BUB1B: variants seen among roughly 807,000 people sequenced by gnomAD.
BUB1B encodes BUB1 mitotic checkpoint serine/threonine kinase B.
Under a neutral mutation model 137.7 loss-of-function variants are expected in BUB1B, and 86 were observed. That is an observed-to-expected ratio of 0.62 (90% CI 0.52 to 0.75). The LOEUF is 0.75. Ranked by LOEUF, BUB1B falls within the 30% of genes least tolerant of loss-of-function variation. The probability of loss-of-function intolerance (pLI) is 0.00; values close to 1 mark genes in which losing one functional copy is unlikely to be tolerated. For missense variants in BUB1B, 1,130 were observed against 1,236.9 expected, an observed-to-expected ratio of 0.91 and a Z score of 1.30; for synonymous variants, 420 against 417.9, an observed-to-expected ratio of 1.00 and a Z score of -0.06.
intron 6 of BUB1B, among the ~76,000 whole-genome samples, chr15:40,184,358 G>A (rs981648603): frequency 2.0e-5 from 3 of 150,632 alleles, no homozygotes; most frequent in Non-Finnish European, 2.9e-5. Context: ...TGCCTGAAAC[G>A]TGGTAGTGCA....
In BUB1B at chr15:40,219,498, A is replaced by G. The variant is rs142381701; in HGVS notation, c.2957+936A>G. ...GCACTTTGGGAGGCCGAGGCAGATTACCTGAGGTCAGGAGTTTGAGAGCAG... is the reference window on the plus strand; with the variant it reads ...GCACTTTGGGAGGCCGAGGCAGATTGCCTGAGGTCAGGAGTTTGAGAGCAG... On this transcript the variant is annotated intron_variant, in intron 22 of 22. Transcript: ENST00000287598. Among the ~76,000 whole-genome samples the G allele has an allele frequency of 5.3e-5, 8 of 152,070 alleles. No homozygotes were observed. In the East Asian group the frequency reaches 1.6e-3, roughly 30 times the overall value.
chr15:40,218,608 T>C lies in BUB1B; in HGVS notation c.2957+46T>C, dbSNP rs758465748. On this transcript the variant is annotated intron_variant, in intron 22 of 22. Coordinates refer to ENST00000287598, the MANE Select transcript of BUB1B (RefSeq NM_001211.6). The stretch of plus-strand genomic sequence containing the variant: ...GGGTCTCTGCCTGTCCCAATAATTT[T>C]CTGTTTCTCTTGGGTGCTATCTCTG... The C allele has an allele frequency of 3.5e-6, 5 of 1,422,516 alleles. No homozygotes were observed. In the African/African-American group the frequency reaches 7.0e-5, roughly 20 times the overall value. 88.1% of individuals were successfully genotyped at this position (1,422,516 alleles called of 1,614,324 possible). A position where few individuals can be genotyped will look rare whatever the true frequency, so the allele number is the denominator to read the frequency against.
At chr15:40,161,528 G>C (rs1436679658) in intron 1 of BUB1B, among the ~76,000 whole-genome samples, 2 of 152,232 alleles carry the variant, frequency 1.3e-5, no homozygotes, top group Non-Finnish European at 2.9e-5. Flanking sequence ...AATGTTGTCT[G>C]TTTGTAACTC....
chr15:40,196,474 G>A, intron 8 of BUB1B, 71 bp from the exon 9 acceptor site: 1 of 1,362,680 alleles, frequency 7.3e-7, no homozygotes, highest in East Asian at 2.3e-5. Flanking sequence ...ATTATTTTTA[G>A]CTTCTTTTAT....
intron 8 of BUB1B, among the ~76,000 whole-genome samples, chr15:40,191,908 CTT>C (rs1354235523): frequency 6.6e-6 from 1 of 151,602 alleles, no homozygotes; most frequent in Admixed American, 6.6e-5. Context: ...TTTGTAGTAA[CTT>C]TTGAAATTGA....
At chr15:40,161,750 A>G (rs1446348825) in intron 1 of BUB1B, among the ~76,000 whole-genome samples, 1 of 152,244 alleles carries the variant, frequency 6.6e-6, no homozygotes. Context: ...AATTATGCCA[A>G]TAACATAGAG....
intron 20 of BUB1B, 51 bp from the exon 21 acceptor site, chr15:40,217,445 C>CGG: frequency 1.8e-5 from 20 of 1,131,890 alleles, no homozygotes; most frequent in Non-Finnish European, 2.6e-5. Context: ...AGCTATGCAG[C>CGG]TTCTTTCATG....
At chr15:40,163,945 T>C (rs142814350) in intron 1 of BUB1B, among the ~76,000 whole-genome samples, 3 of 152,320 alleles carry the variant, frequency 2.0e-5, no homozygotes, top group African/African-American at 7.2e-5. Context: ...TTAGTGCCAA[T>C]GTGTCTCTCT....
At chr15:40,174,943 G>A (rs1398066434) in intron 4 of BUB1B, among the ~76,000 whole-genome samples, 4 of 152,076 alleles carry the variant, frequency 2.6e-5, no homozygotes, top group South Asian at 2.1e-4. Context: ...CAGCCTGGGC[G>A]ACAGAGTGAG....
intron 5 of BUB1B, among the ~76,000 whole-genome samples, chr15:40,181,911 T>C (rs2037298348): frequency 6.6e-6 from 1 of 152,170 alleles, no homozygotes; most frequent in African/African-American, 2.4e-5. Flanking sequence ...TTAGGTACTT[T>C]AAAATCTCCA....
intron 2 of BUB1B, among the ~76,000 whole-genome samples, chr15:40,169,860 C>A (rs1419080584): frequency 6.6e-6 from 1 of 152,064 alleles, no homozygotes; most frequent in Non-Finnish European, 1.5e-5. Flanking sequence ...TGATCCACCC[C>A]ACTTGGCCTC....
chr15:40,183,687 T>A (rs1472580690), intron 5 of BUB1B, 27 bp from the exon 6 acceptor site: 1 of 1,612,962 alleles, frequency 6.2e-7, no homozygotes, highest in Non-Finnish European at 8.5e-7. Context: ...GTCACCTCAC[T>A]AAAAGTTGTG....
At chr15:40,214,577 C>T (rs1480784698) in intron 20 of BUB1B, among the ~76,000 whole-genome samples, 1 of 152,138 alleles carries the variant, frequency 6.6e-6, no homozygotes, top group Non-Finnish European at 1.5e-5. Flanking sequence ...CTTCTGAATA[C>T]TTAATCTATC....
intron 1 of BUB1B, 75 bp from the exon 2 acceptor site, chr15:40,164,978 G>A: frequency 6.3e-7 from 1 of 1,580,214 alleles, no homozygotes; most frequent in South Asian, 1.1e-5. Flanking sequence ...TCACCTTTCG[G>A]AAGACATTTA....
intron 5 of BUB1B, among the ~76,000 whole-genome samples, chr15:40,182,524 G>A (rs781760644): frequency 4.6e-5 from 7 of 152,150 alleles, no homozygotes; most frequent in Admixed American, 1.3e-4. Flanking sequence ...GTTGCTTTGG[G>A]TCTGTCCCAT....
At chr15:40,176,072 C>A (rs959208844) in intron 4 of BUB1B, among the ~76,000 whole-genome samples, 8 of 152,154 alleles carry the variant, frequency 5.3e-5, no homozygotes, top group Admixed American at 2.6e-4. Context: ...CCCCAGCCTC[C>A]TGGGTAGCTA....
chr15:40,208,412 C>A (rs1274664740), intron 15 of BUB1B, among the ~76,000 whole-genome samples: 2 of 151,860 alleles, frequency 1.3e-5, no homozygotes, highest in African/African-American at 4.8e-5. Context: ...GTGGCAGGTG[C>A]CTGTAATCCC....
intron 4 of BUB1B, among the ~76,000 whole-genome samples, chr15:40,172,482 A>G (rs769595854): frequency 5.8e-4 from 89 of 152,168 alleles, no homozygotes; most frequent in Non-Finnish European, 2.4e-4. Flanking sequence ...TTTTACAACA[A>G]TCTTAGCTAG....
chr15:40,165,181 T>G lies in BUB1B; in HGVS notation c.164T>G (p.Leu55Arg), dbSNP rs1221553263. The change falls in exon 2 of 23, where the codon CTT becomes CGT. Residue 55 changes from leucine (L) to arginine (R), a missense_variant. By Grantham distance (102) the Leu-to-Arg change is moderately radical. Coordinates refer to ENST00000287598, the MANE Select transcript of BUB1B (RefSeq NM_001211.6). The stretch of plus-strand genomic sequence containing the variant: ...CAAGAATCTGCCTGTAACAATACTC[T>G]TCAGCAGCAGAAACGGTGTGTAGAA... ...LAQESACNNT[L>R]QQQKRAFEYE... 4 of 1,614,212 alleles carry G rather than the reference T, an allele frequency of 2.5e-6. No individual in the cohort carries two copies. The highest frequency in any genetic ancestry group is 3.4e-6 in the Non-Finnish European group (4 of 1,180,028).
Sources: allele counts gnomAD v4.1 joint callset (sites outside exome capture counted in the v4.1 genomes callset), GRCh38; gene constraint gnomAD v4.1.1; transcripts MANE v1.5; gene names NCBI Gene and HGNC (gene_info 2026-07-23, HGNC 2026-07-21).